The following RSPO3 variants were observed in gnomAD, a reference collection of about 807,000 sequenced individuals.
The protein encoded by RSPO3 is R-spondin 3, also known as R-spondin-3.
In RSPO3, 17 loss-of-function variants were observed where a neutral mutation model predicts 36.5. The observed-to-expected ratio is 0.47, with a 90% confidence interval of 0.32 to 0.70. The LOEUF is 0.70. Among genes scored for constraint, RSPO3 ranks in the 30% least tolerant of loss-of-function variants. The probability of loss-of-function intolerance (pLI) is 0.04; values close to 1 mark genes in which losing one functional copy is unlikely to be tolerated. For missense variants in RSPO3, 294 were observed against 322.5 expected, an observed-to-expected ratio of 0.91 and a Z score of 0.68; for synonymous variants, 108 against 107.0, an observed-to-expected ratio of 1.01 and a Z score of -0.06.
chr6:127,167,259 T>C (rs1246654118), intron 4 of RSPO3, among the ~76,000 whole-genome samples: 1 of 151,944 alleles, frequency 6.6e-6, no homozygotes, highest in African/African-American at 2.4e-5. Flanking sequence ...CCATTAATTA[T>C]TCTTCCTGAT....
chr6:127,120,475 C>CAGCGGCCCCACCTGGTTTCCCAAGGGG (rs1773820603), intron 1 of RSPO3, among the ~76,000 whole-genome samples: 1 of 152,234 alleles, frequency 6.6e-6, no homozygotes, highest in Non-Finnish European at 1.5e-5. Flanking sequence ...AGCCCAGGCC[C>CAGCGGCCCCACCTGGTTTCCCAAGGGG]AGCGGCCCCA....
At chr6:127,186,556 A>G (rs1210233605) in intron 4 of RSPO3, among the ~76,000 whole-genome samples, 1 of 152,116 alleles carries the variant, frequency 6.6e-6, no homozygotes, top group Non-Finnish European at 1.5e-5. Flanking sequence ...CTGGGGAAAC[A>G]TGAGAGTCAA....
intron 4 of RSPO3, among the ~76,000 whole-genome samples, chr6:127,162,005 G>T (rs1257740152): frequency 2.0e-5 from 3 of 152,160 alleles, no homozygotes; most frequent in African/African-American, 4.8e-5. Flanking sequence ...GGGCAATTTT[G>T]ATCTTGGCTG....
chr6:127,191,513 G>A (rs1775409567), intron 4 of RSPO3, among the ~76,000 whole-genome samples: 1 of 152,158 alleles, frequency 6.6e-6, no homozygotes, highest in Non-Finnish European at 1.5e-5. Context: ...AAGACTGTAT[G>A]TGTTTATACT....
intron 4 of RSPO3, among the ~76,000 whole-genome samples, chr6:127,169,914 GC>G (rs1230736575): frequency 6.6e-6 from 1 of 151,670 alleles, no homozygotes; most frequent in African/African-American, 2.4e-5. Flanking sequence ...ACCTACTTGA[GC>G]CACTCTCCCC....
intron 4 of RSPO3, chr6:127,192,735 A>G: frequency 1.0e-6 from 1 of 954,270 alleles, no homozygotes; most frequent in African/African-American, 1.8e-5. Context: ...ACATGCACAC[A>G]AACATGAATA....
rs561819665 is a variant in RSPO3 at position 127,133,555 on chromosome 6, A to G, written c.97+14266A>G. ...AACTGATCTTAAAGTCCACTCCTCC[A>G]ACAGTAAGATCAATGAGCTTTCCCT... is the stretch of plus-strand genomic sequence containing the variant. On this transcript the variant is annotated intron_variant, in intron 1 of 4. Transcript: ENST00000356698. Among the ~76,000 whole-genome samples the G allele has an allele frequency of 3.9e-5, 6 of 152,290 alleles. No homozygotes were observed. In the East Asian group the frequency reaches 1.2e-3, roughly 29 times the overall value.
intron 1 of RSPO3, among the ~76,000 whole-genome samples, chr6:127,147,857 T>C (rs987854693): frequency 6.6e-6 from 1 of 152,114 alleles, no homozygotes; most frequent in Non-Finnish European, 1.5e-5. Flanking sequence ...ACTGTAAGAC[T>C]CCAGTTCCAA....
At chr6:127,167,507 TA>T (rs1187093614) in intron 4 of RSPO3, among the ~76,000 whole-genome samples, 2 of 152,030 alleles carry the variant, frequency 1.3e-5, no homozygotes, top group Non-Finnish European at 2.9e-5. Context: ...CACATTTTCT[TA>T]ATCCAGTCTA....
At chr6:127,185,890 T>C (rs1002488497) in intron 4 of RSPO3, among the ~76,000 whole-genome samples, 1 of 152,130 alleles carries the variant, frequency 6.6e-6, no homozygotes, top group African/African-American at 2.4e-5. Context: ...TACAACCCAG[T>C]AGACAATTTG....
At chr6:127,182,380 A>G (rs1240293959) in intron 4 of RSPO3, among the ~76,000 whole-genome samples, 1 of 151,900 alleles carries the variant, frequency 6.6e-6, no homozygotes, top group Admixed American at 6.6e-5. Context: ...AACCAAACAT[A>G]TGGGCTATTT....
intron 3 of RSPO3, 118 bp downstream of exon 3, chr6:127,150,690 G>A (rs1243758417): frequency 2.3e-6 from 2 of 864,742 alleles, no homozygotes; most frequent in Non-Finnish European, 3.5e-6. Flanking sequence ...CTTAAAGGCT[G>A]TCTCCATCCT....
At chr6:127,138,743 A>AT (rs746581664) in intron 1 of RSPO3, among the ~76,000 whole-genome samples, 1 of 152,222 alleles carries the variant, frequency 6.6e-6, no homozygotes, top group Non-Finnish European at 1.5e-5. Context: ...CAGACTGGAA[A>AT]TTCATTTACA....
At chr6:127,188,834 A>C (rs1775350417) in intron 4 of RSPO3, among the ~76,000 whole-genome samples, 1 of 152,168 alleles carries the variant, frequency 6.6e-6, no homozygotes, top group African/African-American at 2.4e-5. Context: ...GATTTTTATA[A>C]AACTCCTCTC....
chr6:127,191,048 T>C (rs909863288), intron 4 of RSPO3, among the ~76,000 whole-genome samples: 13 of 152,190 alleles, frequency 8.5e-5, no homozygotes, highest in African/African-American at 2.9e-4. Flanking sequence ...TGTCATTTTT[T>C]ACATGTTTAT....
At chr6:127,150,658 G>C in intron 3 of RSPO3, 86 bp downstream of exon 3, 1 of 1,276,868 alleles carries the variant, frequency 7.8e-7, no homozygotes, top group Non-Finnish European at 1.1e-6. Flanking sequence ...AAAAGAACTT[G>C]AAGGTTCTTG....
chr6:127,123,789 A>C (rs182995771), intron 1 of RSPO3, among the ~76,000 whole-genome samples: 1 of 152,188 alleles, frequency 6.6e-6, no homozygotes, highest in Admixed American at 6.5e-5. Context: ...AGCTTTACTA[A>C]GTCATTTCTC....
chr6:127,137,668 ATTCCTACAT>A (rs1173147619), intron 1 of RSPO3, among the ~76,000 whole-genome samples: 14 of 152,162 alleles, frequency 9.2e-5, no homozygotes, highest in Non-Finnish European at 1.6e-4. Flanking sequence ...TTATGTATGT[ATTCCTACAT>A]AAAGCATTTT....
In RSPO3 at chr6:127,148,638, G is replaced by A; in HGVS notation, c.98-10G>A. 6.3e-7 allele frequency: 1 copy of A among 1,599,288 alleles called. No individual in the cohort carries two copies. Among genetic ancestry groups the A allele is most frequent in the Non-Finnish European group, 8.5e-7 (1 of 1,170,720 alleles). On this transcript the variant is annotated splice_polypyrimidine_tract_variant and intron_variant, in intron 1 of 4. Transcript: ENST00000356698. ...ACCTTTGTAATGTCTTTCTACATTT[G>A]TCTCCACAGTGCATCCTAACGTTAG...
Sources: gnomAD v4.1 joint callset for allele counts (sites outside exome capture counted in the v4.1 genomes callset) on GRCh38, gnomAD v4.1.1 for gene constraint, MANE v1.5 for transcripts, NCBI Gene and HGNC (gene_info 2026-07-23, HGNC 2026-07-21) for gene names.